The following CENPE variants were observed in gnomAD, a reference collection of about 807,000 sequenced individuals.
CENPE encodes centromere-associated protein E.
In CENPE, 145 loss-of-function variants were observed where a neutral mutation model predicts 336.1. The ratio of observed to expected loss-of-function variants is 0.43; its 90% confidence interval spans 0.38 to 0.50. The LOEUF (loss-of-function observed/expected upper bound fraction) is 0.50, where lower values mean the gene tolerates loss of function less well. CENPE is among the 20% of genes least tolerant of loss of function. CENPE has a pLI of 0.00. For missense variants in CENPE, 2,719 were observed against 3,023.3 expected (o/e 0.90, Z 2.36); for synonymous variants, 1,013 against 984.8 (o/e 1.03, Z -0.54).
intron 26 of CENPE, among the ~76,000 whole-genome samples, chr4:103,150,868 A>C (rs891874200): frequency 2.6e-5 from 4 of 152,222 alleles, no homozygotes; most frequent in Non-Finnish European, 5.9e-5. Flanking sequence ...TGACTAATGC[A>C]TCTCTGCAAG....
At chr4:103,117,786 C>G (rs1351666949) in intron 44 of CENPE, among the ~76,000 whole-genome samples, 1 of 151,994 alleles carries the variant, frequency 6.6e-6, no homozygotes, top group Non-Finnish European at 1.5e-5. Flanking sequence ...TACCACCATG[C>G]CTGGCTACTT....
chr4:103,177,097 A>G (rs1339301254), intron 13 of CENPE, 51 bp from the exon 14 acceptor site: 3 of 1,437,178 alleles, frequency 2.1e-6, no homozygotes, highest in Non-Finnish European at 2.8e-6. Flanking sequence ...ATTCAAACAT[A>G]ATAAAACAAG....
intron 16 of CENPE, among the ~76,000 whole-genome samples, chr4:103,165,266 A>C (rs1754805199): frequency 1.3e-5 from 2 of 152,200 alleles, no homozygotes; most frequent in African/African-American, 4.8e-5. Flanking sequence ...TGAAATATTT[A>C]ACTTACATCT....
chr4:103,122,059 G>T (rs1015200744), intron 43 of CENPE, among the ~76,000 whole-genome samples: 1 of 152,092 alleles, frequency 6.6e-6, no homozygotes, highest in African/African-American at 2.4e-5. Context: ...ATTGAAGATT[G>T]ACCAACTTTC....
Position 103,163,558 on chromosome 4 carries a change from A to AC in CENPE, c.1648-6_1648-5insG. 6.5e-7 allele frequency: 1 copy of AC among 1,547,656 alleles called. No homozygotes were observed. Among genetic ancestry groups the AC allele is most frequent in the Non-Finnish European group, 8.8e-7 (1 of 1,134,460 alleles). ...AATTTCATGAATTAGTTGCATCTGT[A>AC]AGAGCATGTGAACAGGTAACAGAGC... On this transcript the variant is annotated splice_polypyrimidine_tract_variant and splice_region_variant and intron_variant, in intron 16 of 48. Transcript: ENST00000265148.
At chr4:103,177,666 T>C (rs1414668585) in intron 13 of CENPE, among the ~76,000 whole-genome samples, 1 of 151,964 alleles carries the variant, frequency 6.6e-6, no homozygotes, top group Non-Finnish European at 1.5e-5. Context: ...GCTGAGCCCA[T>C]TGTCTATTAC....
chr4:103,196,907 A>G (rs1578708346), intron 1 of CENPE, 57 bp from the exon 2 acceptor site: 2 of 807,594 alleles, frequency 2.5e-6, no homozygotes, highest in East Asian at 4.9e-5. Flanking sequence ...TCATAGGAGG[A>G]ATAATTGAAA....
At chr4:103,148,701 T>C (rs1489330221) in intron 28 of CENPE, 143 bp downstream of exon 28, 23 of 702,726 alleles carry the variant, frequency 3.3e-5, no homozygotes, top group South Asian at 3.2e-4. Context: ...AACCTAGGAG[T>C]GTGCCTGCCA....
In CENPE at chr4:103,176,287, T is replaced by C. The variant is rs112466778; in HGVS notation, c.1391-239A>G. Among the ~76,000 whole-genome samples, 1,537 of 152,228 alleles carry C rather than the reference T, an allele frequency of 0.01. 24 individuals carry two copies. Among genetic ancestry groups the C allele is most frequent in the African/African-American group, 0.034 (1,419 of 41,554 alleles). On this transcript the variant is annotated intron_variant, in intron 14 of 48. Coordinates refer to ENST00000265148, the MANE Select transcript of CENPE (RefSeq NM_001813.3). Reference sequence around the variant, plus strand: ...ACAATACAGGATCCTTAATGAAATATAGGTTAAAAGGACAAATTCTGAATT... The same window carrying C: ...ACAATACAGGATCCTTAATGAAATACAGGTTAAAAGGACAAATTCTGAATT...
At chr4:103,179,370 A>G (rs1756144498) in intron 13 of CENPE, among the ~76,000 whole-genome samples, 1 of 152,208 alleles carries the variant, frequency 6.6e-6, no homozygotes, top group Non-Finnish European at 1.5e-5. Flanking sequence ...GGAGGTTTAA[A>G]ACGCCCCTGC....
In CENPE at chr4:103,136,319, T is replaced by G; in HGVS notation, c.6344A>C (p.Glu2115Ala). Residue 2115 changes from glutamate to alanine, a missense_variant, in exon 40 of 49, where the codon GAG (glutamate) becomes GCG (alanine). By Grantham distance (107) the Glu-to-Ala change is moderately radical. Around this residue, in one of 5 missense-constraint regions of CENPE, gnomAD observed 2,437 missense variants for 2,513.3 expected, o/e 0.97. Transcript: ENST00000265148. ...KRYSEMDDHY[E>A]CLNRLSLDLE... ...GTCAAGAGACAATCTATTCAAGCACTCATAATGATCATCCATCTCTGAGTA... is the reference window on the plus strand; with the variant it reads ...GTCAAGAGACAATCTATTCAAGCACGCATAATGATCATCCATCTCTGAGTA... The G allele has an allele frequency of 6.2e-7, 1 of 1,612,448 alleles. No homozygotes were observed. The highest frequency in any genetic ancestry group is 2.2e-5 in the East Asian group (1 of 44,790).
intron 16 of CENPE, among the ~76,000 whole-genome samples, chr4:103,170,612 G>C (rs970916177): frequency 6.6e-6 from 1 of 152,126 alleles, no homozygotes; most frequent in Non-Finnish European, 1.5e-5. Context: ...CAATAAGGAA[G>C]ACAGTGAGAT....
In CENPE at chr4:103,120,137, G is replaced by A. The variant is rs771558355; in HGVS notation, c.7329+11C>T. ...ACAAACAAACAACTTTTATTTTTATGTTTAAGTTACCTGAAGTACTTGAAT... is the reference window on the plus strand; with the variant it reads ...ACAAACAAACAACTTTTATTTTTATATTTAAGTTACCTGAAGTACTTGAAT... On this transcript the variant is annotated intron_variant, in intron 44 of 48. Transcript: ENST00000265148. 3 of 1,558,566 alleles carry A rather than the reference G, an allele frequency of 1.9e-6. No homozygotes were observed. Among genetic ancestry groups the A allele is most frequent in the South Asian group, 1.2e-5 (1 of 85,048 alleles).
At chr4:103,152,779 A>G (rs1050234285) in intron 25 of CENPE, among the ~76,000 whole-genome samples, 1 of 152,198 alleles carries the variant, frequency 6.6e-6, no homozygotes, top group Non-Finnish European at 1.5e-5. Flanking sequence ...ATTTAAGGTG[A>G]ACATATCAGG....
Position 103,106,007 on chromosome 4 carries a change from G to A in CENPE, c.*215C>T, listed in dbSNP as rs1235705042. 4 of 351,074 alleles carry A rather than the reference G, an allele frequency of 1.1e-5. No homozygotes were observed. The highest frequency in any genetic ancestry group is 4.2e-5 in the African/African-American group (2 of 47,626). 21.7% of individuals were successfully genotyped at this position (351,074 alleles called of 1,614,324 possible). A position where few individuals can be genotyped will look rare whatever the true frequency, so the allele number is the denominator to read the frequency against. On this transcript the variant is annotated 3_prime_UTR_variant, in exon 49 of 49. Transcript: ENST00000265148. ...AAATAAAACAATTCAACTTTTAAAA[G>A]TATTACCATATGCAAGAAGAAGGTA...
rs764214285 is a variant in CENPE at position 103,159,178 on chromosome 4, A to C, written c.2433T>G (p.Asn811Lys). Reference protein sequence around the residue: ...TKDDLATTQSNYKSTDQEFQN... With the variant: ...TKDDLATTQSKYKSTDQEFQN... Reference sequence around the variant, plus strand: ...GGAATTCTTGATCAGTGCTTTTATAATTCGACTGTGTAGTTGCTAGGTCAT... The same window carrying C: ...GGAATTCTTGATCAGTGCTTTTATACTTCGACTGTGTAGTTGCTAGGTCAT... The change falls in exon 22 of 49, where the codon AAT becomes AAG. Residue 811 changes from asparagine to lysine, a missense_variant. Physicochemically the swap from Asn to Lys is moderately conservative, Grantham distance 94. Around this residue, in one of 5 missense-constraint regions of CENPE, gnomAD observed 2,437 missense variants for 2,513.3 expected, o/e 0.97. Coordinates refer to ENST00000265148, the MANE Select transcript of CENPE (RefSeq NM_001813.3). 4.3e-6 allele frequency: 7 copies of C among 1,612,570 alleles called. No homozygotes were observed. The highest frequency in any genetic ancestry group is 5.1e-6 in the Non-Finnish European group (6 of 1,179,202).
chr4:103,137,673 G>A (rs1391569190), intron 39 of CENPE, among the ~76,000 whole-genome samples: 1 of 152,104 alleles, frequency 6.6e-6, no homozygotes, highest in Non-Finnish European at 1.5e-5. Flanking sequence ...TGTAAATCCT[G>A]TTGGCTTTCC....
At chr4:103,139,198 C>T (rs1010003820) in intron 38 of CENPE, among the ~76,000 whole-genome samples, 1 of 152,220 alleles carries the variant, frequency 6.6e-6, no homozygotes, top group South Asian at 2.1e-4. Context: ...TTAAATCTCT[C>T]TATAAATTTA....
intron 24 of CENPE, among the ~76,000 whole-genome samples, chr4:103,155,112 A>T (rs1429986700): frequency 6.6e-6 from 1 of 152,204 alleles, no homozygotes; most frequent in East Asian, 1.9e-4. Context: ...CCTTTTATCA[A>T]CATGGATAAA....
Sources: allele counts gnomAD v4.1 joint callset (sites outside exome capture counted in the v4.1 genomes callset), GRCh38; gene constraint gnomAD v4.1.1; regional missense constraint gnomAD v4.1.1; transcripts MANE v1.5; gene names NCBI Gene and HGNC (gene_info 2026-07-23, HGNC 2026-07-21).